CRTAP: variants seen among roughly 807,000 people sequenced by gnomAD.
CRTAP encodes cartilage-associated protein.
CRTAP carries 33 observed loss-of-function variants against 42.7 expected under a neutral mutation model. The observed-to-expected ratio is 0.77, with a 90% CI of 0.59 to 1.03. The LOEUF (loss-of-function observed/expected upper bound fraction) is 1.03, where lower values mean the gene tolerates loss of function less well. Ranked by LOEUF, CRTAP falls within the 50% of genes least tolerant of loss-of-function variation. The pLI, the probability that CRTAP is intolerant of heterozygous loss-of-function variation, is 0.00. For missense variants in CRTAP, 613 were observed against 533.9 expected (o/e 1.15, Z -1.46); for synonymous variants, 243 against 217.7 (o/e 1.12, Z -1.02).
intron 3 of CRTAP, among the ~76,000 whole-genome samples, chr3:33,128,096 G>C (rs1233384446): frequency 6.6e-6 from 1 of 152,064 alleles, no homozygotes; most frequent in Admixed American, 6.6e-5. Flanking sequence ...TGTTGCACAT[G>C]CATTATTACT....
chr3:33,114,492 C>T lies in CRTAP; in HGVS notation c.415C>T (p.Leu139=), dbSNP rs1701319780. 2 of 1,603,806 alleles carry T rather than the reference C, an allele frequency of 1.2e-6. No homozygotes were observed. The highest frequency in any genetic ancestry group is 1.7e-6 in the Non-Finnish European group (2 of 1,177,002). Residue 139 remains leucine, a synonymous_variant, in exon 1 of 7, where the codon CTG becomes TTG. Coordinates refer to ENST00000320954, the MANE Select transcript of CRTAP (RefSeq NM_006371.5). ...FRQSQPSREV[L]ADFQRREPYK... ...CCAGTCCCAGCCCAGCCGCGAGGTG[C>T]TGGCGGACTTCCAGCGCCGCGAGCC... is the stretch of plus-strand genomic sequence containing the variant.
intron 2 of CRTAP, among the ~76,000 whole-genome samples, chr3:33,120,963 G>A (rs1327350922): frequency 2.6e-5 from 4 of 152,178 alleles, no homozygotes; most frequent in Non-Finnish European, 5.9e-5. Context: ...TTAAATCTGC[G>A]CATCTACGAA....
intron 4 of CRTAP, among the ~76,000 whole-genome samples, chr3:33,130,722 T>C (rs1013827311): frequency 1.3e-5 from 2 of 152,026 alleles, no homozygotes; most frequent in South Asian, 2.1e-4. Context: ...TTAGTAGATA[T>C]GTGGTTTCAC....
intron 1 of CRTAP, among the ~76,000 whole-genome samples, chr3:33,116,169 A>T (rs1448659175): frequency 6.6e-6 from 1 of 152,166 alleles, no homozygotes; most frequent in African/African-American, 2.4e-5. Flanking sequence ...TATACAGATG[A>T]ATTTGAACAA....
chr3:33,144,080 T>C lies in CRTAP; in HGVS notation c.*1632T>C, dbSNP rs552450633. 31 of 152,364 alleles carry C rather than the reference T, an allele frequency of 2.0e-4. No homozygotes were observed. The highest frequency in any genetic ancestry group is 7.5e-4 in the African/African-American group (31 of 41,560). The allele number at this position is 152,364 out of a possible 1,614,324, so 9.4% of individuals were successfully genotyped here. The stretch of plus-strand genomic sequence containing the variant: ...AAGGGCAGAAGGAAGAGGGAAGACC[T>C]GTTAGGAAGCTACTGCAAGGTTCCA... On this transcript the variant is annotated 3_prime_UTR_variant, in exon 7 of 7. Transcript: ENST00000320954.
intron 3 of CRTAP, among the ~76,000 whole-genome samples, chr3:33,125,115 G>A (rs2030021501): frequency 6.6e-6 from 1 of 152,224 alleles, no homozygotes; most frequent in African/African-American, 2.4e-5. Flanking sequence ...TTTCTCTATA[G>A]TGCCTAGACA....
Position 33,142,510 on chromosome 3 carries a change from C to T in CRTAP, c.*62C>T. On this transcript the variant is annotated 3_prime_UTR_variant, in exon 7 of 7. Transcript: ENST00000320954. ...GGAAACACAGATTCTTTGTCCTTTTCCCAACAGCCCAGGCTGTTGATACCT... is the reference window on the plus strand; with the variant it reads ...GGAAACACAGATTCTTTGTCCTTTTTCCAACAGCCCAGGCTGTTGATACCT... The T allele has an allele frequency of 6.6e-7, 1 of 1,518,338 alleles. No homozygotes were observed. The highest frequency in any genetic ancestry group is 9.1e-7 in the Non-Finnish European group (1 of 1,093,190). 94.1% of individuals were successfully genotyped at this position (1,518,338 alleles called of 1,614,324 possible).
intron 2 of CRTAP, among the ~76,000 whole-genome samples, chr3:33,121,792 T>A (rs2029882684): frequency 6.6e-6 from 1 of 152,114 alleles, no homozygotes; most frequent in South Asian, 2.1e-4. Context: ...GTCTCTAGAA[T>A]AAACTGCCAC....
At position 33,117,660 on chromosome 3, in the gene CRTAP, C is replaced by T. The variant is rs914764248; in HGVS notation, c.472-2684C>T. Among the ~76,000 whole-genome samples the T allele has an allele frequency of 6.6e-5, 10 of 152,310 alleles. No homozygotes were observed. In the South Asian group the frequency reaches 8.3e-4, roughly 13 times the overall value. On this transcript the variant is annotated intron_variant, in intron 1 of 6. Transcript: ENST00000320954. ...TGCCTGGCTGTGGCCTCTAACTCCC[C>T]GGAACCACAGGGCCTGCCTCTGTGT... is the stretch of plus-strand genomic sequence containing the variant.
At chr3:33,141,932 AAC>A (rs2030585556) in intron 6 of CRTAP, among the ~76,000 whole-genome samples, 1 of 152,212 alleles carries the variant, frequency 6.6e-6, no homozygotes, top group South Asian at 2.1e-4. Context: ...TTCATCCTTC[AAC>A]ACATGTATTG....
At chr3:33,139,613 A>G (rs1275077412) in intron 6 of CRTAP, among the ~76,000 whole-genome samples, 1 of 152,002 alleles carries the variant, frequency 6.6e-6, no homozygotes, top group Admixed American at 6.6e-5. Context: ...AGTAGCTGGA[A>G]TTACAGGCAT....
chr3:33,142,110 A>G (rs2030589805), intron 6 of CRTAP, among the ~76,000 whole-genome samples: 1 of 152,182 alleles, frequency 6.6e-6, no homozygotes, highest in Non-Finnish European at 1.5e-5. Flanking sequence ...GCAGAGATGC[A>G]CACAGGAGGG....
At chr3:33,124,286 G>A (rs1258485949) in intron 2 of CRTAP, 122 bp from the exon 3 acceptor site, 14 of 1,090,646 alleles carry the variant, frequency 1.3e-5, no homozygotes, top group South Asian at 1.0e-4. Flanking sequence ...TCAAGGGCCA[G>A]TGTGGCTTCT....
chr3:33,130,452 CCTT>C (rs2030220379), intron 4 of CRTAP, among the ~76,000 whole-genome samples: 6 of 152,032 alleles, frequency 3.9e-5, no homozygotes, highest in African/African-American at 1.2e-4. Context: ...TTCCCTTCCT[CCTT>C]ATCACTAGCT....
Position 33,142,677 on chromosome 3 carries a change from TG to T in CRTAP, c.*231del. On this transcript the variant is annotated 3_prime_UTR_variant, in exon 7 of 7. Transcript: ENST00000320954. The stretch of plus-strand genomic sequence containing the variant: ...TATCTTTCTCACCTTTTTTTTGAGA[TG>T]GAGTCTCGCTCTCTTGCCCAGGCTG... 1 of 512,562 alleles carries T rather than the reference TG, an allele frequency of 2.0e-6. No individual in the cohort carries two copies. The highest frequency in any genetic ancestry group is 3.5e-6 in the Non-Finnish European group (1 of 281,832). 31.8% of individuals were successfully genotyped at this position (512,562 alleles called of 1,614,324 possible). A position where few individuals can be genotyped will look rare whatever the true frequency, so the allele number is the denominator to read the frequency against.
intron 1 of CRTAP, among the ~76,000 whole-genome samples, chr3:33,118,126 A>G (rs1391203964): frequency 6.6e-6 from 1 of 151,822 alleles, no homozygotes; most frequent in East Asian, 1.9e-4. Flanking sequence ...GTGCCTGGCT[A>G]ATTTTTGTCT....
chr3:33,130,202 CA>C, intron 4 of CRTAP, 135 bp downstream of exon 4: 2 of 888,030 alleles, frequency 2.3e-6, no homozygotes, highest in Non-Finnish European at 1.8e-6. Context: ...ATGCTTTGCA[CA>C]AAAAGGCAGC....
Position 33,147,425 on chromosome 3 carries a change from C to T in CRTAP, c.*4977C>T, listed in dbSNP as rs1197289839. Reference sequence around the variant, plus strand: ...ATCCTTGCACCTGACACTGTCCCCACACAAATAGCTGGCTTTCGTTGCTTG... The same window carrying T: ...ATCCTTGCACCTGACACTGTCCCCATACAAATAGCTGGCTTTCGTTGCTTG... On this transcript the variant is annotated 3_prime_UTR_variant, in exon 7 of 7. Transcript: ENST00000320954. 1 of 152,666 alleles carries T rather than the reference C, an allele frequency of 6.6e-6. No homozygotes were observed. The highest frequency in any genetic ancestry group is 1.5e-5 in the Non-Finnish European group (1 of 68,066). 9.5% of individuals were successfully genotyped at this position (152,666 alleles called of 1,614,324 possible). A position where few individuals can be genotyped will look rare whatever the true frequency, so the allele number is the denominator to read the frequency against.
In CRTAP at chr3:33,114,463, T is replaced by A; in HGVS notation, c.386T>A (p.Phe129Tyr). The A allele has an allele frequency of 4.4e-6, 7 of 1,590,448 alleles. No homozygotes were observed. Among genetic ancestry groups the A allele is most frequent in the Non-Finnish European group, 6.0e-6 (7 of 1,170,698 alleles). ...LKRCKQGLPA[F>Y]RQSQPSREVL... ...CGCTGCAAGCAGGGCCTGCCAGCCTTCCGCCAGTCCCAGCCCAGCCGCGAG... is the reference window on the plus strand; with the variant it reads ...CGCTGCAAGCAGGGCCTGCCAGCCTACCGCCAGTCCCAGCCCAGCCGCGAG... Residue 129 changes from phenylalanine to tyrosine, a missense_variant, in exon 1 of 7, where the codon TTC becomes TAC. By Grantham distance (22) the Phe-to-Tyr change is conservative. Coordinates refer to ENST00000320954, the MANE Select transcript of CRTAP (RefSeq NM_006371.5).
Sources: gnomAD v4.1 joint callset for allele counts (sites outside exome capture counted in the v4.1 genomes callset) on GRCh38, gnomAD v4.1.1 for gene constraint, MANE v1.5 for transcripts, NCBI Gene and HGNC (gene_info 2026-07-23, HGNC 2026-07-21) for gene names.